The following PTPN7 variants were observed in gnomAD, a reference collection of about 807,000 sequenced individuals.
PTPN7 encodes the protein protein tyrosine phosphatase non-receptor type 7, also known as tyrosine-protein phosphatase non-receptor type 7.
A neutral mutation model predicts 50.3 loss-of-function variants in PTPN7; 33 were observed. The observed-to-expected ratio is 0.66, with a 90% CI of 0.50 to 0.88. The LOEUF is 0.88. Ranked by LOEUF, PTPN7 falls within the 40% of genes least tolerant of loss-of-function variation. PTPN7 has a pLI of 0.00. For missense variants in PTPN7, 412 were observed against 475.4 expected, an observed-to-expected ratio of 0.87 and a Z score of 1.24; for synonymous variants, 185 against 186.6, an observed-to-expected ratio of 0.99 and a Z score of 0.07.
chr1:202,156,116 A>C (rs1001324290), intron 4 of PTPN7, among the ~76,000 whole-genome samples: 1 of 152,160 alleles, frequency 6.6e-6, no homozygotes, highest in African/African-American at 2.4e-5. Context: ...AAGCTGTATA[A>C]TGTTTTTGAG....
chr1:202,160,819 C>G, upstream of PTPN7: 1 of 1,534,400 alleles, frequency 6.5e-7, no homozygotes, highest in South Asian at 1.2e-5. The surrounding 1 kb of genome is among the most constrained non-coding windows in gnomAD (Gnocchi z 4.8). Flanking sequence ...CTGCTTTCCC[C>G]AGCTTCCAGA....
At chr1:202,161,217 G>A (rs550929397), upstream of PTPN7, 34 of 1,121,558 alleles carry the variant, frequency 3.0e-5, 1 homozygote, top group South Asian at 4.7e-4. Flanking sequence ...TCGTCTCCAC[G>A]CCTGTGCCAC....
chr1:202,150,725 G>A (rs1655912443), intron 8 of PTPN7, among the ~76,000 whole-genome samples: 1 of 152,160 alleles, frequency 6.6e-6, no homozygotes, highest in Non-Finnish European at 1.5e-5. Flanking sequence ...TGAGTCTACA[G>A]TGGTTTCCAA....
chr1:202,156,632 T>C (rs1446456540), intron 4 of PTPN7, among the ~76,000 whole-genome samples: 2 of 152,218 alleles, frequency 1.3e-5, no homozygotes, highest in African/African-American at 2.4e-5. Context: ...TTCCCTTTTC[T>C]GGTGGCTGCA....
At chr1:202,161,362 C>G (rs1376473511), upstream of PTPN7, 12 of 1,230,452 alleles carry the variant, frequency 9.8e-6, no homozygotes, top group South Asian at 4.1e-5. Flanking sequence ...CTCCCAGAAC[C>G]CTGACATCTA....
intron 8 of PTPN7, among the ~76,000 whole-genome samples, chr1:202,151,219 G>A (rs1416308503): frequency 6.6e-6 from 1 of 152,116 alleles, no homozygotes; most frequent in East Asian, 1.9e-4. Flanking sequence ...GACCTTCACT[G>A]GCCTTCCAAA....
intron 4 of PTPN7, among the ~76,000 whole-genome samples, 183 bp downstream of exon 4, chr1:202,157,556 T>C (rs896782849): frequency 2.6e-5 from 4 of 151,908 alleles, no homozygotes; most frequent in Non-Finnish European, 5.9e-5. Flanking sequence ...CCAGGGTACA[T>C]ATCTGCAAAC....
rs1422795414 is a variant in PTPN7, at chr1:202,153,739, G to T, written c.703C>A (p.Gln235Lys). 6.2e-7 allele frequency: 1 copy of T among 1,613,754 alleles called. No individual in the cohort carries two copies. Residue 235 changes from glutamine (Q) to lysine (K), a missense_variant, in exon 7 of 10, where the codon CAG becomes AAG. Coordinates refer to ENST00000691036, the MANE Select transcript of PTPN7 (RefSeq NM_002832.4). The part of the protein sequence containing the change: ...MKECPEYTVR[Q>K]LTIQYQEERR... ...GGGGGTGGTACCTGGATGGTGAGCT[G>T]CCGCACAGTGTATTCTGGGCACTCT...
chr1:202,156,771 A>G (rs10753910), intron 4 of PTPN7, among the ~76,000 whole-genome samples: 112,705 of 152,152 alleles, frequency 0.74, 42,976 homozygotes, highest in African/African-American at 0.91. Flanking sequence ...ACAGGGCCCG[A>G]GTGCTCACTG....
At chr1:202,160,801 C>T (rs931961500), upstream of PTPN7, 4 of 1,542,342 alleles carry the variant, frequency 2.6e-6, no homozygotes, top group African/African-American at 2.7e-5. The surrounding 1 kb of genome is among the most constrained non-coding windows in gnomAD (Gnocchi z 4.8). Context: ...CAGGCCTTCC[C>T]GACCATCCTG....
In PTPN7 at chr1:202,153,570, A is replaced by C. The variant is rs555319989; in HGVS notation, c.717+155T>G. On this transcript the variant is annotated intron_variant, in intron 7 of 9. Transcript: ENST00000691036. ...CTCTGCCCTATTAGACTAGAGGCTG[A>C]GGACAGTGCTCAAGTTTCTCTTTCT... is the stretch of plus-strand genomic sequence containing the variant. 2.0e-5 allele frequency among the ~76,000 whole-genome samples: 3 copies of C among 152,302 alleles called. No homozygotes were observed. In the South Asian group the frequency reaches 6.2e-4, roughly 32 times the overall value.
rs1397768489 is a variant in PTPN7 at position 202,150,164 on chromosome 1, T to C, written c.989+147A>G. 4.6e-6 allele frequency: 3 copies of C among 650,278 alleles called. No individual in the cohort carries two copies. The Admixed American group carries it at 7.8e-5, about 17-fold the overall frequency. The allele number at this position is 650,278 out of a possible 1,614,324, so 40.3% of individuals were successfully genotyped here. On this transcript the variant is annotated intron_variant, in intron 9 of 9. Coordinates refer to ENST00000691036, the MANE Select transcript of PTPN7 (RefSeq NM_002832.4). ...ATAGATATTTTTTCCTGGTTGTTAGTTGTAAAATAAACAGCTCTAAGCAGA... is the reference window on the plus strand; with the variant it reads ...ATAGATATTTTTTCCTGGTTGTTAGCTGTAAAATAAACAGCTCTAAGCAGA...
At chr1:202,160,911 C>A, upstream of PTPN7, 1 of 1,450,538 alleles carries the variant, frequency 6.9e-7, no homozygotes. The surrounding 1 kb of genome is among the most constrained non-coding windows in gnomAD (Gnocchi z 4.8). Context: ...GCTCGCCTGA[C>A]CCCCAGCTCT....
At position 202,152,570 on chromosome 1, in the gene PTPN7, G is replaced by C; in HGVS notation, c.847C>G (p.His283Asp). Reference protein sequence around the residue: ...EVEESPETAAHPGPIVVHCSA... With the variant: ...EVEESPETAADPGPIVVHCSA... Reference sequence around the variant, plus strand: ...CAGTGGACTACGATAGGCCCGGGGTGGGCGGCTGTCTCCGGGCTCTCCTCC... The same window carrying C: ...CAGTGGACTACGATAGGCCCGGGGTCGGCGGCTGTCTCCGGGCTCTCCTCC... Residue 283 changes from histidine to aspartate, a missense_variant, in exon 8 of 10, where the codon CAC becomes GAC. By Grantham distance (81) the His-to-Asp change is moderately conservative. Transcript: ENST00000691036. 5.6e-6 allele frequency: 9 copies of C among 1,613,466 alleles called. No individual in the cohort carries two copies. The highest frequency in any genetic ancestry group is 7.6e-6 in the Non-Finnish European group (9 of 1,180,004).
chr1:202,155,608 A>G lies in PTPN7; in HGVS notation c.393T>C (p.Asn131=), dbSNP rs760567857. The change falls in exon 5 of 10, where the codon AAT becomes AAC. Residue 131 remains asparagine, a splice_region_variant and synonymous_variant. Coordinates refer to ENST00000691036, the MANE Select transcript of PTPN7 (RefSeq NM_002832.4). ...SKDRYKTILP[N]PQSRVCLGRA... ...GGCCTAGACAGACACGGCTCTGGGG[A>G]TCTAGGAAATAAAAATCAGCAGAGG... 3.2e-6 allele frequency: 5 copies of G among 1,555,782 alleles called. No homozygotes were observed. Among genetic ancestry groups the G allele is most frequent in the Non-Finnish European group, 3.5e-6 (4 of 1,127,252 alleles).
rs1307979957 is a variant in PTPN7 at position 202,160,436 on chromosome 1, G to A, written c.-53+109C>T. 2 of 1,159,176 alleles carry A rather than the reference G, an allele frequency of 1.7e-6. No homozygotes were observed. Among genetic ancestry groups the A allele is most frequent in the Non-Finnish European group, 2.4e-6 (2 of 820,296 alleles). 71.8% of individuals were successfully genotyped at this position (1,159,176 alleles called of 1,614,324 possible). On this transcript the variant is annotated intron_variant, in intron 1 of 9. Transcript: ENST00000691036. The surrounding 1 kb of genome is among the most constrained non-coding windows in gnomAD (Gnocchi z 4.8). ...CACCCATACCCCAGCCAGGCACTGT[G>A]GCGCCCCACTCGCCCTCCCGCACTC...
At position 202,159,528 on chromosome 1, in the gene PTPN7, A is replaced by G. The variant is rs1355439508; in HGVS notation, c.-52-74T>C. Reference sequence around the variant, plus strand: ...CAGAAGGAGGCTCCCATGCCAGGCCAGGTTTGCACTCTGTTTTCACTGGGG... The same window carrying G: ...CAGAAGGAGGCTCCCATGCCAGGCCGGGTTTGCACTCTGTTTTCACTGGGG... On this transcript the variant is annotated intron_variant, in intron 1 of 9. Coordinates refer to ENST00000691036, the MANE Select transcript of PTPN7 (RefSeq NM_002832.4). This position sits in a 1 kb window ranked among gnomAD's most constrained non-coding sequence, Gnocchi z 4.6. The G allele has an allele frequency of 1.1e-5, 17 of 1,546,684 alleles. No individual in the cohort carries two copies. The highest frequency in any genetic ancestry group is 4.0e-5 in the Admixed American group (2 of 49,530).
Position 202,148,678 on chromosome 1 carries a change from T to G in PTPN7, c.1011A>C (p.Ala337=). 6.2e-7 allele frequency: 1 copy of G among 1,613,810 alleles called. No individual in the cohort carries two copies. Among genetic ancestry groups the G allele is most frequent in the Non-Finnish European group, 8.5e-7 (1 of 1,179,836 alleles). The change falls in exon 10 of 10, where the codon GCA becomes GCC. Residue 337 remains alanine (A), a synonymous_variant. Transcript: ENST00000691036. ...TGTGGTGCAGGAACTGGTACTGCTC[T>G]GCCGTCTGGATCATCCCCCCTCTGC... is the stretch of plus-strand genomic sequence containing the variant. ...RLDRGGMIQT[A]EQYQFLHHTL...
intron 9 of PTPN7, 79 bp from the exon 10 acceptor site, chr1:202,148,778 G>A: frequency 8.5e-7 from 1 of 1,179,314 alleles, no homozygotes; most frequent in Non-Finnish European, 1.2e-6. Context: ...ACATCCCTGT[G>A]GTCCTACTGG....
Sources: gnomAD v4.1 joint callset for allele counts (sites outside exome capture counted in the v4.1 genomes callset) on GRCh38, gnomAD v4.1.1 for gene constraint, Gnocchi (gnomAD v3.1) non-coding constraint, MANE v1.5 for transcripts, NCBI Gene and HGNC (gene_info 2026-07-23, HGNC 2026-07-21) for gene names.